Variants in UBR3 observed in about 807,000 individuals in gnomAD.
UBR3 encodes E3 ubiquitin-protein ligase UBR3.
Under a neutral mutation model 243.2 loss-of-function variants are expected in UBR3, and 85 were observed. That is an observed-to-expected ratio of 0.35 (90% CI 0.29 to 0.42). UBR3 has a LOEUF of 0.42. Ranked by LOEUF, UBR3 falls within the 10% of genes least tolerant of loss-of-function variation. The pLI, the probability that UBR3 is intolerant of heterozygous loss-of-function variation, is 1.00. For missense variants in UBR3, 1,686 were observed against 2,300.8 expected (o/e 0.73, Z 5.47); for synonymous variants, 748 against 799.8 (o/e 0.94, Z 1.09).
chr2:170,018,187 C>T (rs1055285153), intron 30 of UBR3, among the ~76,000 whole-genome samples: 7 of 152,180 alleles, frequency 4.6e-5, no homozygotes, highest in Admixed American at 2.6e-4. Context: ...GCTAACTCTC[C>T]TATTTATCTT....
intron 1 of UBR3, among the ~76,000 whole-genome samples, chr2:169,838,441 G>A (rs1245622935): frequency 8.2e-6 from 1 of 121,676 alleles, no homozygotes; most frequent in Non-Finnish European, 1.7e-5. Context: ...GTGTGTGTGT[G>A]TGTGTGTCTG....
chr2:169,845,030 G>A, intron 1 of UBR3, among the ~76,000 whole-genome samples: 1 of 152,098 alleles, frequency 6.6e-6, no homozygotes, highest in South Asian at 2.1e-4. Context: ...ACAGTGTACA[G>A]GCATCCCACA....
chr2:170,026,260 A>G (rs924758554), intron 30 of UBR3, among the ~76,000 whole-genome samples: 31 of 152,034 alleles, frequency 2.0e-4, no homozygotes. Flanking sequence ...TTGTAGAGTG[A>G]TGGTTTTATG....
intron 24 of UBR3, among the ~76,000 whole-genome samples, chr2:169,971,272 G>A (rs36150720): frequency 2.6e-5 from 4 of 151,146 alleles, no homozygotes; most frequent in Non-Finnish European, 5.9e-5. Context: ...CCATTCTGTA[G>A]GTTGCCTGTT....
intron 3 of UBR3, among the ~76,000 whole-genome samples, chr2:169,876,437 G>A (rs1455097031): frequency 1.3e-5 from 2 of 152,184 alleles, no homozygotes; most frequent in Non-Finnish European, 2.9e-5. Context: ...GAAATGGCCT[G>A]TTTAAACCTC....
intron 26 of UBR3, among the ~76,000 whole-genome samples, chr2:169,997,126 G>GCC (rs777032520): frequency 0.81 from 122,575 of 151,922 alleles, 49,871 homozygotes; most frequent in East Asian, 0.89. Context: ...TTACTATTTA[G>GCC]ACTTTATTTA....
At chr2:169,856,639 C>T (rs892134393) in intron 1 of UBR3, among the ~76,000 whole-genome samples, 12 of 152,160 alleles carry the variant, frequency 7.9e-5, no homozygotes, top group Non-Finnish European at 1.5e-4. Flanking sequence ...GAGACCAGCC[C>T]GGCCAACACG....
At chr2:169,943,707 ATTG>A (rs1458557382) in intron 20 of UBR3, among the ~76,000 whole-genome samples, 2 of 152,328 alleles carry the variant, frequency 1.3e-5, no homozygotes, top group Non-Finnish European at 2.9e-5. Flanking sequence ...AAGAAAACCT[ATTG>A]TTCTTCTTCC....
chr2:170,073,903 A>C (rs1172282226), intron 36 of UBR3, among the ~76,000 whole-genome samples: 1 of 152,214 alleles, frequency 6.6e-6, no homozygotes, highest in Non-Finnish European at 1.5e-5. Context: ...TTTAAGGTAG[A>C]CAAGGAATTT....
In UBR3 at chr2:169,857,074, T is replaced by TG. The variant is rs1447424124; in HGVS notation, c.546-15162_546-15161insG. Among the ~76,000 whole-genome samples the TG allele has an allele frequency of 5.5e-3, 671 of 122,832 alleles. 24 individuals carry two copies. Among genetic ancestry groups the TG allele is most frequent in the Middle Eastern group, 0.012 (3 of 248 alleles). The allele number at this position is 122,832 out of a possible 152,430, so 80.6% of individuals were successfully genotyped here. A position where few individuals can be genotyped will look rare whatever the true frequency, so the allele number is the denominator to read the frequency against. On this transcript the variant is annotated intron_variant, in intron 1 of 38. Transcript: ENST00000272793. ...GCATAATTTTATTATGTTTTTTTTT[T>TG]TTTTTTTTTTTTTTTTTGAGACGGA...
chr2:169,954,617 C>T (rs2087192195), intron 23 of UBR3, among the ~76,000 whole-genome samples: 1 of 150,734 alleles, frequency 6.6e-6, no homozygotes, highest in African/African-American at 2.4e-5. Context: ...TTTCTGTCAC[C>T]CAGGCTGGAG....
At chr2:169,842,277 G>A (rs2105285411) in intron 1 of UBR3, among the ~76,000 whole-genome samples, 1 of 152,182 alleles carries the variant, frequency 6.6e-6, no homozygotes, top group South Asian at 2.1e-4. Flanking sequence ...TCGAAACTCT[G>A]TATCTAACTA....
chr2:169,948,985 A>G (rs764953238), intron 22 of UBR3, among the ~76,000 whole-genome samples: 2 of 151,962 alleles, frequency 1.3e-5, no homozygotes, highest in Non-Finnish European at 2.9e-5. Context: ...ACAAATCACA[A>G]ATCACAGTTT....
chr2:170,045,498 A>G (rs977035670), intron 32 of UBR3, among the ~76,000 whole-genome samples: 8 of 152,170 alleles, frequency 5.3e-5, no homozygotes, highest in African/African-American at 1.4e-4. Context: ...CCAAGATTCT[A>G]TAGAGCATTT....
chr2:169,883,151 C>T (rs1305098624), intron 5 of UBR3, among the ~76,000 whole-genome samples: 2 of 152,180 alleles, frequency 1.3e-5, no homozygotes, highest in Non-Finnish European at 1.5e-5. Flanking sequence ...TTACTTTGGT[C>T]ATCATATGTG....
At chr2:169,985,846 C>G (rs949924840) in intron 24 of UBR3, among the ~76,000 whole-genome samples, 1 of 152,012 alleles carries the variant, frequency 6.6e-6, no homozygotes, top group African/African-American at 2.4e-5. Context: ...TCATTTCTGA[C>G]GTGTATTTTT....
At chr2:169,888,129 A>C (rs1382448454) in intron 5 of UBR3, among the ~76,000 whole-genome samples, 40 of 140,500 alleles carry the variant, frequency 2.8e-4, no homozygotes, top group African/African-American at 1.0e-3. Context: ...TTATTTATTT[A>C]TTTATTTATT....
intron 23 of UBR3, among the ~76,000 whole-genome samples, chr2:169,953,171 CTTTCT>C (rs2087115974): frequency 6.6e-6 from 1 of 152,056 alleles, no homozygotes; most frequent in Non-Finnish European, 1.5e-5. Context: ...ATTTTAAAGG[CTTTCT>C]TTGTGATAGG....
At chr2:169,888,109 CTTTATTTATTTATTTA>C (rs139609742) in intron 5 of UBR3, among the ~76,000 whole-genome samples, 162 of 138,760 alleles carry the variant, frequency 1.2e-3, no homozygotes, top group African/African-American at 3.9e-3. Flanking sequence ...TGTGTTATGA[CTTTATTTATTTATTTA>C]TTTATTTATT....
Sources: gnomAD v4.1 joint callset for allele counts (sites outside exome capture counted in the v4.1 genomes callset) on GRCh38, gnomAD v4.1.1 for gene constraint, MANE v1.5 for transcripts, NCBI Gene and HGNC (gene_info 2026-07-23, HGNC 2026-07-21) for gene names.